Variants in ELAVL2 observed in about 807,000 individuals in gnomAD.
ELAVL2 encodes ELAV like RNA binding protein 2.
A neutral mutation model predicts 34.6 loss-of-function variants in ELAVL2; 4 were observed. The observed-to-expected ratio is 0.12, with a 90% confidence interval of 0.06 to 0.26. The LOEUF is 0.26. Among genes scored for constraint, ELAVL2 ranks in the 10% least tolerant of loss-of-function variants. The pLI is 1.00. For synonymous variants in ELAVL2, 193 were observed against 154.8 expected (o/e 1.25, Z -1.83); for missense variants, 432 against 442.8 (o/e 0.98, Z 0.22).
intron 1 of ELAVL2, among the ~76,000 whole-genome samples, chr9:23,791,921 G>A (rs1482721335): frequency 1.3e-5 from 2 of 152,130 alleles, no homozygotes; most frequent in Non-Finnish European, 2.9e-5. Context: ...TAATCTCTCA[G>A]TTGTCTTTTC....
chr9:23,783,792 GAAAA>G (rs550955271), intron 1 of ELAVL2, among the ~76,000 whole-genome samples: 1 of 147,338 alleles, frequency 6.8e-6, no homozygotes, highest in Non-Finnish European at 1.5e-5. Context: ...GATGACAGAT[GAAAA>G]AAAAAAATCA....
intron 1 of ELAVL2, among the ~76,000 whole-genome samples, chr9:23,784,066 C>T (rs1015417121): frequency 1.3e-5 from 2 of 151,958 alleles, no homozygotes; most frequent in East Asian, 1.9e-4. Context: ...GGCATGGTGG[C>T]GGGCGCCTGT....
intron 5 of ELAVL2, among the ~76,000 whole-genome samples, chr9:23,699,814 T>G (rs1255288436): frequency 5.2e-5 from 1 of 19,338 alleles, no homozygotes; most frequent in Non-Finnish European, 8.7e-5. Flanking sequence ...TGGCAAAGGT[T>G]TTTTTTTTTT....
At position 23,701,592 on chromosome 9, in the gene ELAVL2, C is replaced by T; in HGVS notation, c.500G>A (p.Gly167Asp). The T allele has an allele frequency of 6.2e-7, 1 of 1,614,034 alleles. No homozygotes were observed. Among genetic ancestry groups the T allele is most frequent in the Non-Finnish European group, 8.5e-7 (1 of 1,179,964 alleles). The change falls in exon 5 of 7, where the codon GGT (glycine) becomes GAT (aspartate). Residue 167 changes from glycine (G) to aspartate (D), a missense_variant. This residue lies in a region of ELAVL2 where 295 missense variants were observed against 306.1 expected (regional missense o/e 0.96). Coordinates refer to ENST00000397312, the MANE Select transcript of ELAVL2 (RefSeq NM_004432.5). ...LVDQVTGISR[G>D]VGFIRFDKRI... ...CTTGTCAAATCGAATAAACCCTACACCCCTTGATATGCCTATGGTAGATTT... is the reference window on the plus strand; with the variant it reads ...CTTGTCAAATCGAATAAACCCTACATCCCTTGATATGCCTATGGTAGATTT...
chr9:23,732,981 T>C (rs1161628773), intron 2 of ELAVL2, among the ~76,000 whole-genome samples: 1 of 151,986 alleles, frequency 6.6e-6, no homozygotes, highest in East Asian at 1.9e-4. Flanking sequence ...ATGCCACAAA[T>C]ATAACAGAAA....
At chr9:23,822,627 C>A (rs1362534237) in intron 1 of ELAVL2, among the ~76,000 whole-genome samples, 1 of 152,226 alleles carries the variant, frequency 6.6e-6, no homozygotes, top group East Asian at 1.9e-4. Flanking sequence ...CGGAGCCACG[C>A]GGCTGGAGCA....
chr9:23,705,378 G>A (rs1316162343), intron 3 of ELAVL2, among the ~76,000 whole-genome samples: 1 of 152,154 alleles, frequency 6.6e-6, no homozygotes, highest in Non-Finnish European at 1.5e-5. Flanking sequence ...ATGGTCAATG[G>A]GTCTGGGATC....
intron 2 of ELAVL2, among the ~76,000 whole-genome samples, chr9:23,754,807 G>A (rs951503157): frequency 6.6e-6 from 1 of 152,136 alleles, no homozygotes; most frequent in Non-Finnish European, 1.5e-5. Context: ...GAAGTCAACA[G>A]ATGCAAGATG....
intron 4 of ELAVL2, among the ~76,000 whole-genome samples, chr9:23,702,311 T>A (rs1354661941): frequency 6.6e-6 from 1 of 152,084 alleles, no homozygotes; most frequent in African/African-American, 2.4e-5. Context: ...AAGTAAAGCA[T>A]CAAAGCTTTC....
upstream of ELAVL2, among the ~76,000 whole-genome samples, chr9:23,827,699 G>C (rs1011330551): frequency 2.6e-5 from 4 of 152,188 alleles, no homozygotes; most frequent in African/African-American, 4.8e-5. Context: ...CAAAAGGGTA[G>C]GGTGTCATGG....
At chr9:23,759,233 A>C (rs2054290549) in intron 2 of ELAVL2, among the ~76,000 whole-genome samples, 1 of 152,114 alleles carries the variant, frequency 6.6e-6, no homozygotes, top group Non-Finnish European at 1.5e-5. Context: ...AATACCATTC[A>C]GCCACAAAAA....
At chr9:23,782,984 C>G (rs1434765067) in intron 1 of ELAVL2, among the ~76,000 whole-genome samples, 1 of 152,212 alleles carries the variant, frequency 6.6e-6, no homozygotes, top group Non-Finnish European at 1.5e-5. Context: ...TTCATCCCCT[C>G]TCCCATTTGA....
chr9:23,725,380 C>T (rs1216059339), intron 3 of ELAVL2, among the ~76,000 whole-genome samples: 2 of 152,140 alleles, frequency 1.3e-5, no homozygotes, highest in African/African-American at 4.8e-5. Context: ...ACTTCCATGC[C>T]CTACTAAAGT....
At chr9:23,839,615 A>G in the ELAVL2 span, among the ~76,000 whole-genome samples, 56 of 152,290 alleles carry the variant, frequency 3.7e-4, no homozygotes, top group African/African-American at 1.3e-3. Flanking sequence ...TTTATCAGCA[A>G]TGATTTTACA....
At chr9:23,784,435 G>A (rs145345315) in intron 1 of ELAVL2, among the ~76,000 whole-genome samples, 223 of 152,230 alleles carry the variant, frequency 1.5e-3, no homozygotes, top group Admixed American at 4.3e-3. Context: ...AGATAAACAT[G>A]ACTACATATA....
intron 1 of ELAVL2, among the ~76,000 whole-genome samples, chr9:23,802,779 C>T (rs910846564): frequency 6.6e-6 from 1 of 152,188 alleles, no homozygotes; most frequent in African/African-American, 2.4e-5. Context: ...ATACAGTTGA[C>T]TAGATCTATT....
chr9:23,719,500 T>G (rs2043127449), intron 3 of ELAVL2, among the ~76,000 whole-genome samples: 1 of 152,196 alleles, frequency 6.6e-6, no homozygotes, highest in Admixed American at 6.5e-5. Flanking sequence ...GGTTTCTTAT[T>G]AATTCATTTT....
At chr9:23,777,105 G>C (rs1012337852) in intron 1 of ELAVL2, among the ~76,000 whole-genome samples, 1 of 152,168 alleles carries the variant, frequency 6.6e-6, no homozygotes, top group African/African-American at 2.4e-5. Flanking sequence ...TTGCTTAGCA[G>C]TAAATAGTCT....
the ELAVL2 span, among the ~76,000 whole-genome samples, chr9:23,840,006 T>C: frequency 1.5e-4 from 23 of 152,254 alleles, no homozygotes; most frequent in African/African-American, 4.8e-4. Context: ...ATCTGTATAT[T>C]AAAAAGGCCT....
Sources: allele counts gnomAD v4.1 joint callset (sites outside exome capture counted in the v4.1 genomes callset), GRCh38; gene constraint gnomAD v4.1.1; regional missense constraint gnomAD v4.1.1; transcripts MANE v1.5; gene names NCBI Gene and HGNC (gene_info 2026-07-23, HGNC 2026-07-21).